The following KCTD15 variants were observed in gnomAD, a reference collection of about 807,000 sequenced individuals.
The protein encoded by KCTD15 is potassium channel tetramerization domain containing 15, also known as BTB/POZ domain-containing protein KCTD15.
Under a neutral mutation model 27.2 loss-of-function variants are expected in KCTD15, and 11 were observed. The observed-to-expected ratio is 0.41, with a 90% CI of 0.25 to 0.67. KCTD15 has a LOEUF of 0.67. KCTD15 is among the 30% of genes least tolerant of loss of function. The pLI is 0.35. For synonymous variants in KCTD15, 163 were observed against 176.0 expected, an observed-to-expected ratio of 0.93 and a Z score of 0.58; for missense variants, 350 against 409.3, an observed-to-expected ratio of 0.86 and a Z score of 1.25.
chr19:33,804,595 C>T (rs1975658162), intron 4 of KCTD15, among the ~76,000 whole-genome samples: 1 of 152,218 alleles, frequency 6.6e-6, no homozygotes, highest in African/African-American at 2.4e-5. Context: ...AGCCACCTGC[C>T]AACCACTGCC....
chr19:33,809,389 A>G (rs931785243), intron 5 of KCTD15, among the ~76,000 whole-genome samples: 3 of 152,208 alleles, frequency 2.0e-5, no homozygotes, highest in Admixed American at 6.5e-5. Context: ...TGGTAGTGTA[A>G]AGGGCCTCTT....
chr19:33,797,381 C>T (rs765797045), intron 1 of KCTD15: 2 of 454,982 alleles, frequency 4.4e-6, no homozygotes. Context: ...GGGTCAGAAA[C>T]GGGCTCACGC....
chr19:33,811,005 AG>A (rs1975883864), intron 5 of KCTD15, among the ~76,000 whole-genome samples: 1 of 152,050 alleles, frequency 6.6e-6, no homozygotes, highest in Admixed American at 6.5e-5. Context: ...GGAAGGGCTC[AG>A]GGGGGCTGGC....
In KCTD15 at chr19:33,814,324, G is replaced by A. The variant is rs1424153441; in HGVS notation, c.*1376G>A. 2.0e-5 allele frequency: 3 copies of A among 152,344 alleles called. No homozygotes were observed. The highest frequency in any genetic ancestry group is 6.5e-5 in the Admixed American group (1 of 15,276). The allele number at this position is 152,344 out of a possible 1,614,324, so 9.4% of individuals were successfully genotyped here. On this transcript the variant is annotated 3_prime_UTR_variant, in exon 7 of 7. Coordinates refer to ENST00000683859, the MANE Select transcript of KCTD15 (RefSeq NM_001129994.2). ...GTGCAGGGAGGTTTGGGGGCGGAAC[G>A]GATTCCTCCCTTGGATCCTTCAGTT...
chr19:33,798,829 G>C (rs1173934400), intron 2 of KCTD15, 63 bp downstream of exon 2: 2 of 152,550 alleles, frequency 1.3e-5, no homozygotes, highest in Non-Finnish European at 2.9e-5. Context: ...GCTAAGAACA[G>C]AGTGGAGCGG....
In KCTD15 at chr19:33,813,616, CCTT is replaced by C. The variant is rs1230103705; in HGVS notation, c.*670_*672del. The C allele has an allele frequency of 3.1e-6, 1 of 321,976 alleles. No homozygotes were observed. Among genetic ancestry groups the C allele is most frequent in the African/African-American group, 2.2e-5 (1 of 44,652 alleles). 19.9% of individuals were successfully genotyped at this position (321,976 alleles called of 1,614,324 possible). Reference sequence around the variant, plus strand: ...TGAGTGATTCTGTAACCACCTGAGACCTTCACGTTTGCTGCCGTTGGGGGCTCA... The same window carrying C: ...TGAGTGATTCTGTAACCACCTGAGACCACGTTTGCTGCCGTTGGGGGCTCA... On this transcript the variant is annotated 3_prime_UTR_variant, in exon 7 of 7. Transcript: ENST00000683859.
chr19:33,800,439 A>G lies in KCTD15; in HGVS notation c.-16A>G, dbSNP rs1292543717. 1 of 1,599,918 alleles carries G rather than the reference A, an allele frequency of 6.3e-7. No individual in the cohort carries two copies. The highest frequency in any genetic ancestry group is 8.5e-7 in the Non-Finnish European group (1 of 1,174,394). On this transcript the variant is annotated 5_prime_UTR_variant, in exon 3 of 7. Transcript: ENST00000683859. Reference sequence around the variant, plus strand: ...GATGCCTCCCGCAGATACTCTGGGCAGGGATGGAAGCCTAGATGCCTCACC... The same window carrying G: ...GATGCCTCCCGCAGATACTCTGGGCGGGGATGGAAGCCTAGATGCCTCACC...
At position 33,813,743 on chromosome 19, in the gene KCTD15, G is replaced by A. The variant is rs930888157; in HGVS notation, c.*795G>A. Reference sequence around the variant, plus strand: ...CTGCTGGAGAAGTCTCCTCCCGTTCGGACCAGCCTCAGGGCTGCACGTTAC... The same window carrying A: ...CTGCTGGAGAAGTCTCCTCCCGTTCAGACCAGCCTCAGGGCTGCACGTTAC... On this transcript the variant is annotated 3_prime_UTR_variant, in exon 7 of 7. Coordinates refer to ENST00000683859, the MANE Select transcript of KCTD15 (RefSeq NM_001129994.2). 2.0e-5 allele frequency: 4 copies of A among 198,210 alleles called. No homozygotes were observed. The highest frequency in any genetic ancestry group is 1.5e-4 in the South Asian group (2 of 13,384). 12.3% of individuals were successfully genotyped at this position (198,210 alleles called of 1,614,324 possible). A position where few individuals can be genotyped will look rare whatever the true frequency, so the allele number is the denominator to read the frequency against.
At chr19:33,807,085 G>A in intron 5 of KCTD15, 78 bp downstream of exon 5, 1 of 1,474,256 alleles carries the variant, frequency 6.8e-7, no homozygotes. Context: ...TTAATAAGTG[G>A]ACCCCTGGTT....
intron 1 of KCTD15, among the ~76,000 whole-genome samples, chr19:33,797,671 GC>G (rs1975384977): frequency 6.6e-6 from 1 of 150,442 alleles, no homozygotes; most frequent in South Asian, 2.1e-4. Flanking sequence ...ACACCCGGGG[GC>G]GGACCCCCGC....
upstream of KCTD15, among the ~76,000 whole-genome samples, chr19:33,795,519 G>A (rs897877736): frequency 6.6e-6 from 1 of 151,848 alleles, no homozygotes; most frequent in Admixed American, 6.6e-5. Flanking sequence ...CGCCGTTCCG[G>A]CCCGTGCGCA....
intron 1 of KCTD15, among the ~76,000 whole-genome samples, chr19:33,797,959 C>A (rs1599666519): frequency 6.6e-6 from 1 of 152,208 alleles, no homozygotes; most frequent in African/African-American, 2.4e-5. Flanking sequence ...CCGCGGCAAC[C>A]CCTCCCAGCC....
At chr19:33,809,669 C>A (rs1975826373) in intron 5 of KCTD15, among the ~76,000 whole-genome samples, 1 of 152,106 alleles carries the variant, frequency 6.6e-6, no homozygotes, top group Non-Finnish European at 1.5e-5. Context: ...CCAGGAATTC[C>A]AGACCAGCCT....
intron 6 of KCTD15, 44 bp from the exon 7 acceptor site, chr19:33,812,746 C>T (rs756338929): frequency 1.4e-6 from 2 of 1,404,842 alleles, no homozygotes; most frequent in East Asian, 2.8e-5. Flanking sequence ...GCCAGGTGTC[C>T]TCTTGCAGCT....
chr19:33,812,720 C>G (rs1013036088), intron 6 of KCTD15, 70 bp from the exon 7 acceptor site: 1 of 1,398,148 alleles, frequency 7.2e-7, no homozygotes, highest in African/African-American at 1.5e-5. Flanking sequence ...AGGCACCCAC[C>G]TCCCTGCCAG....
intron 4 of KCTD15, among the ~76,000 whole-genome samples, chr19:33,806,499 G>A (rs1400306530): frequency 6.6e-6 from 1 of 152,182 alleles, no homozygotes; most frequent in Non-Finnish European, 1.5e-5. Flanking sequence ...TCTGGCAAGG[G>A]TGTGTGCACC....
Position 33,800,492 on chromosome 19 carries a change from T to C in KCTD15, c.38T>C (p.Leu13Pro). 3 of 1,604,730 alleles carry C rather than the reference T, an allele frequency of 1.9e-6. No homozygotes were observed. Among genetic ancestry groups the C allele is most frequent in the Non-Finnish European group, 2.5e-6 (3 of 1,176,942 alleles). The change falls in exon 3 of 7, where the codon CTT becomes CCT. Residue 13 changes from leucine (L) to proline (P), a missense_variant. Leu to Pro is a moderately conservative substitution (Grantham distance 98). Around this residue, in one of 3 missense-constraint regions of KCTD15, gnomAD observed 77 missense variants for 72.7 expected, o/e 1.06. Transcript: ENST00000683859. ...HRKERPSGSS[L>P]HTHGSTGTAE... ...AAGGAGCGGCCGAGCGGGTCCTCGCTTCACACACACGGCAGCACCGGCACC... is the reference window on the plus strand; with the variant it reads ...AAGGAGCGGCCGAGCGGGTCCTCGCCTCACACACACGGCAGCACCGGCACC...
At chr19:33,794,559 G>T (rs1048522328), upstream of KCTD15, among the ~76,000 whole-genome samples, 1 of 152,164 alleles carries the variant, frequency 6.6e-6, no homozygotes, top group African/African-American at 2.4e-5. Context: ...ATGACAAGCG[G>T]ATTTTCAGTG....
chr19:33,797,275 TGTGTGTGTGCGCGC>T lies in KCTD15; in HGVS notation c.-127+290_-127+303del, dbSNP rs773107136. On this transcript the variant is annotated intron_variant, in intron 1 of 6. Coordinates refer to ENST00000683859, the MANE Select transcript of KCTD15 (RefSeq NM_001129994.2). ...GTGTGTGTGTGTGTGTGTGTGTGTG[TGTGTGTGTGCGCGC>T]GCGCGCGCGCGCGCTTGTGGAGGTC... 5.2e-3 allele frequency: 1,382 copies of T among 264,880 alleles called. 66 individuals carry two copies. Among genetic ancestry groups the T allele is most frequent in the Middle Eastern group, 0.014 (12 of 860 alleles). 16.4% of individuals were successfully genotyped at this position (264,880 alleles called of 1,614,324 possible).
Sources: gnomAD v4.1 joint callset for allele counts (sites outside exome capture counted in the v4.1 genomes callset) on GRCh38, gnomAD v4.1.1 for gene constraint, gnomAD v4.1.1 regional missense constraint, MANE v1.5 for transcripts, NCBI Gene and HGNC (gene_info 2026-07-23, HGNC 2026-07-21) for gene names.